CRIM1: variants seen among roughly 807,000 people sequenced by gnomAD.
CRIM1 encodes cysteine-rich motor neuron 1 protein.
CRIM1 carries 32 observed loss-of-function variants against 116.4 expected under a neutral mutation model. The observed-to-expected ratio is 0.27, with a 90% CI of 0.21 to 0.37. CRIM1 has a LOEUF of 0.37. CRIM1 is among the 10% of genes least tolerant of loss of function. The probability of loss-of-function intolerance (pLI) is 1.00; values close to 1 mark genes in which losing one functional copy is unlikely to be tolerated. For synonymous variants in CRIM1, 590 were observed against 509.2 expected, an observed-to-expected ratio of 1.16 and a Z score of -2.13; for missense variants, 1,331 against 1,354.8, an observed-to-expected ratio of 0.98 and a Z score of 0.28.
chr2:36,385,726 G>A (rs960792636), intron 1 of CRIM1, among the ~76,000 whole-genome samples: 1 of 152,128 alleles, frequency 6.6e-6, no homozygotes, highest in Non-Finnish European at 1.5e-5. Context: ...ATTTTGCCCA[G>A]CCTTTGACTA....
At chr2:36,365,348 T>C (rs963198180) in intron 1 of CRIM1, among the ~76,000 whole-genome samples, 2 of 152,230 alleles carry the variant, frequency 1.3e-5, no homozygotes, top group African/African-American at 4.8e-5. Flanking sequence ...TTAGAACTTT[T>C]TGAGGATTTC....
At chr2:36,430,037 C>T (rs958321118) in intron 2 of CRIM1, among the ~76,000 whole-genome samples, 1 of 152,168 alleles carries the variant, frequency 6.6e-6, no homozygotes, top group Non-Finnish European at 1.5e-5. Flanking sequence ...GTGTTTGGGA[C>T]CAAGGGTGTA....
rs1031282206 is a variant in CRIM1 at position 36,549,654 on chromosome 2, CTTT to C, written c.*956_*958del. The C allele has an allele frequency of 6.6e-6, 1 of 152,284 alleles. No homozygotes were observed. The highest frequency in any genetic ancestry group is 6.6e-5 in the Admixed American group (1 of 15,262). 9.4% of individuals were successfully genotyped at this position (152,284 alleles called of 1,614,324 possible). ...TTTTTAAAAAGACTGTTTGGGGATT[CTTT>C]TTCCTTATTATATACTGATTCTACA... On this transcript the variant is annotated 3_prime_UTR_variant, in exon 17 of 17. Coordinates refer to ENST00000280527, the MANE Select transcript of CRIM1 (RefSeq NM_016441.3).
chr2:36,455,181 A>G (rs1677041465), intron 4 of CRIM1, among the ~76,000 whole-genome samples: 1 of 152,208 alleles, frequency 6.6e-6, no homozygotes, highest in Non-Finnish European at 1.5e-5. Context: ...CTGTGGCTGC[A>G]GGACTGAGTC....
At chr2:36,422,458 T>C (rs1674143639) in intron 2 of CRIM1, among the ~76,000 whole-genome samples, 1 of 152,164 alleles carries the variant, frequency 6.6e-6, no homozygotes, top group African/African-American at 2.4e-5. Context: ...ATATCCAAGA[T>C]TGGATTCCAA....
At chr2:36,446,678 T>C (rs1410818552) in intron 4 of CRIM1, among the ~76,000 whole-genome samples, 1 of 152,220 alleles carries the variant, frequency 6.6e-6, no homozygotes, top group Non-Finnish European at 1.5e-5. Context: ...CATCCCGCCG[T>C]TTCTTTTTAT....
intron 2 of CRIM1, among the ~76,000 whole-genome samples, chr2:36,432,848 A>G (rs1370802897): frequency 6.6e-6 from 1 of 151,610 alleles, no homozygotes; most frequent in Non-Finnish European, 1.5e-5. Context: ...TTTAATTGGA[A>G]TTGGTCTGGG....
At chr2:36,452,861 A>C (rs1409803762) in intron 4 of CRIM1, among the ~76,000 whole-genome samples, 2 of 152,144 alleles carry the variant, frequency 1.3e-5, no homozygotes, top group African/African-American at 4.8e-5. Flanking sequence ...AGAGAAGGTA[A>C]CTTAACTGAA....
At position 36,494,281 on chromosome 2, in the gene CRIM1, G is replaced by A. The variant is rs188700474; in HGVS notation, c.1373-4938G>A. Among the ~76,000 whole-genome samples, 23 of 152,198 alleles carry A rather than the reference G, an allele frequency of 1.5e-4. No homozygotes were observed. The East Asian group carries it at 4.2e-3, about 28-fold the overall frequency. On this transcript the variant is annotated intron_variant, in intron 7 of 16. Transcript: ENST00000280527. ...TATGTGAGCATCAATATAAAATACC[G>A]ATGGTGTTTTTCAATAACAGTGTCT... is the stretch of plus-strand genomic sequence containing the variant.
chr2:36,489,944 AGCAAATGTGAAAGGCGTCACTG>A (rs1162889118), intron 7 of CRIM1, among the ~76,000 whole-genome samples: 2 of 152,218 alleles, frequency 1.3e-5, no homozygotes, highest in Non-Finnish European at 2.9e-5. Context: ...ACTGCTACTC[AGCAAATGTGAAAGGCGTCACTG>A]GCTGGTCACT....
At chr2:36,546,477 C>G (rs1237631804) in intron 15 of CRIM1, among the ~76,000 whole-genome samples, 1 of 152,088 alleles carries the variant, frequency 6.6e-6, no homozygotes, top group Non-Finnish European at 1.5e-5. Flanking sequence ...ACCAGAGTAT[C>G]AACCAAAAGA....
At chr2:36,359,754 G>A (rs2148271595) in intron 1 of CRIM1, among the ~76,000 whole-genome samples, 1 of 152,292 alleles carries the variant, frequency 6.6e-6, no homozygotes, top group East Asian at 1.9e-4. Flanking sequence ...GGGGGCTGGG[G>A]GTGGTAAGTG....
chr2:36,445,679 G>C (rs1676186154), intron 4 of CRIM1, among the ~76,000 whole-genome samples: 1 of 152,148 alleles, frequency 6.6e-6, no homozygotes, highest in South Asian at 2.1e-4. Flanking sequence ...GACCCATTCA[G>C]CCTAGTTTAG....
intron 4 of CRIM1, among the ~76,000 whole-genome samples, chr2:36,443,610 C>T (rs1214734188): frequency 6.6e-6 from 1 of 152,180 alleles, no homozygotes; most frequent in African/African-American, 2.4e-5. Flanking sequence ...AATTTCCAAC[C>T]TCTTCTTCCT....
rs1553337113 is a variant in CRIM1, at chr2:36,543,702, T to TTA, written c.2624-674_2624-673insTA. 5.1e-3 allele frequency among the ~76,000 whole-genome samples: 755 copies of TTA among 148,642 alleles called. 19 individuals carry two copies. Among genetic ancestry groups the TTA allele is most frequent in the African/African-American group, 0.017 (647 of 38,832 alleles). On this transcript the variant is annotated intron_variant, in intron 14 of 16. Coordinates refer to ENST00000280527, the MANE Select transcript of CRIM1 (RefSeq NM_016441.3). ...GAAAAGTTCTGATTTTTTTTTTTTT[T>TTA]AAAAAGACCTGATATTTGAGATAAA...
intron 5 of CRIM1, among the ~76,000 whole-genome samples, chr2:36,469,745 A>T (rs1489689002): frequency 6.6e-6 from 1 of 152,218 alleles, no homozygotes; most frequent in African/African-American, 2.4e-5. Context: ...CTACTGATAG[A>T]ATAATGGAGA....
At chr2:36,389,573 A>G (rs142500269) in intron 1 of CRIM1, among the ~76,000 whole-genome samples, 34 of 152,338 alleles carry the variant, frequency 2.2e-4, no homozygotes, top group African/African-American at 8.2e-4. Flanking sequence ...CTGCTATAGC[A>G]TATTTCTGGT....
At chr2:36,481,474 C>T (rs988909543) in intron 7 of CRIM1, among the ~76,000 whole-genome samples, 1 of 152,064 alleles carries the variant, frequency 6.6e-6, no homozygotes, top group Non-Finnish European at 1.5e-5. Flanking sequence ...TTAAGAACCT[C>T]CTGGAATTCA....
chr2:36,408,778 C>T (rs1299857577), intron 2 of CRIM1, among the ~76,000 whole-genome samples: 1 of 151,748 alleles, frequency 6.6e-6, no homozygotes, highest in Non-Finnish European at 1.5e-5. Flanking sequence ...AGTTTATATC[C>T]TGCTTATGAG....
Sources: allele counts gnomAD v4.1 joint callset (sites outside exome capture counted in the v4.1 genomes callset), GRCh38; gene constraint gnomAD v4.1.1; transcripts MANE v1.5; gene names NCBI Gene and HGNC (gene_info 2026-07-23, HGNC 2026-07-21).